CD38: variants seen among roughly 807,000 people sequenced by gnomAD.
CD38 encodes the protein CD38 molecule, also known as ADP-ribosyl cyclase/cyclic ADP-ribose hydrolase 1.
A neutral mutation model predicts 36.3 loss-of-function variants in CD38; 31 were observed. The ratio of observed to expected loss-of-function variants is 0.85; its 90% CI spans 0.64 to 1.15. The LOEUF (loss-of-function observed/expected upper bound fraction) is 1.15. Ranked by LOEUF, CD38 falls within the 50% of genes most tolerant of loss-of-function variation. CD38 has a pLI of 0.00. For missense variants in CD38, 380 were observed against 371.9 expected (o/e 1.02, Z -0.18); for synonymous variants, 131 against 135.2 (o/e 0.97, Z 0.22).
intron 1 of CD38, among the ~76,000 whole-genome samples, chr4:15,784,070 C>T (rs1338340604): frequency 6.6e-6 from 1 of 152,204 alleles, no homozygotes; most frequent in Non-Finnish European, 1.5e-5. Flanking sequence ...CAACGCAACA[C>T]CATGTGATCT....
chr4:15,801,194 G>T (rs1057352686), intron 1 of CD38, among the ~76,000 whole-genome samples: 2 of 151,736 alleles, frequency 1.3e-5, no homozygotes, highest in Non-Finnish European at 2.9e-5. Flanking sequence ...AAATTTCTGG[G>T]CACCTACAAC....
At chr4:15,833,989 A>C (rs1724011628) in intron 3 of CD38, among the ~76,000 whole-genome samples, 1 of 152,204 alleles carries the variant, frequency 6.6e-6, no homozygotes, top group East Asian at 1.9e-4. Flanking sequence ...CCATGACTCA[A>C]AACTTGCCAC....
chr4:15,802,835 G>A (rs1421509649), intron 1 of CD38, among the ~76,000 whole-genome samples: 1 of 152,144 alleles, frequency 6.6e-6, no homozygotes, highest in African/African-American at 2.4e-5. Flanking sequence ...ATGAGCCTCT[G>A]CTCCTAGCCA....
At chr4:15,785,669 A>G (rs1722801977) in intron 1 of CD38, among the ~76,000 whole-genome samples, 2 of 152,164 alleles carry the variant, frequency 1.3e-5, no homozygotes, top group Non-Finnish European at 2.9e-5. Context: ...TTGGGAATCA[A>G]TGTTTACAGG....
At chr4:15,836,111 A>T (rs1724065232) in intron 4 of CD38, among the ~76,000 whole-genome samples, 1 of 152,240 alleles carries the variant, frequency 6.6e-6, no homozygotes, top group African/African-American at 2.4e-5. Flanking sequence ...CATATGTCTT[A>T]GTCCATTTGT....
At chr4:15,848,432 G>T in intron 7 of CD38, 107 bp from the exon 8 acceptor site, 1 of 720,860 alleles carries the variant, frequency 1.4e-6, no homozygotes. Context: ...ATGCTAAGTG[G>T]TCTGTGCACC....
chr4:15,789,436 C>G (rs759615712), intron 1 of CD38, among the ~76,000 whole-genome samples: 14 of 152,012 alleles, frequency 9.2e-5, no homozygotes, highest in Non-Finnish European at 1.9e-4. Flanking sequence ...CTTGAGGCAC[C>G]GAGTACATTT....
chr4:15,813,552 G>A (rs1723518166), intron 1 of CD38, among the ~76,000 whole-genome samples: 1 of 152,062 alleles, frequency 6.6e-6, no homozygotes, highest in Non-Finnish European at 1.5e-5. Flanking sequence ...TAGGTTTTAA[G>A]CCCTACATGC....
At chr4:15,840,262 T>G in intron 6 of CD38, 144 bp downstream of exon 6, 1 of 735,960 alleles carries the variant, frequency 1.4e-6, no homozygotes, top group Non-Finnish European at 2.4e-6. Context: ...CCTCTTAACT[T>G]TATCTCCACA....
At chr4:15,781,703 A>C (rs982814236) in intron 1 of CD38, among the ~76,000 whole-genome samples, 1 of 152,242 alleles carries the variant, frequency 6.6e-6, no homozygotes, top group Non-Finnish European at 1.5e-5. Flanking sequence ...AAATACCTTC[A>C]CATCACAACT....
chr4:15,823,977 A>G (rs1723793791), intron 2 of CD38, among the ~76,000 whole-genome samples: 1 of 152,208 alleles, frequency 6.6e-6, no homozygotes, highest in African/African-American at 2.4e-5. Context: ...CAGCCATAAA[A>G]AGGAACAAGA....
At chr4:15,842,043 T>C (rs1054951242) in intron 7 of CD38, among the ~76,000 whole-genome samples, 1 of 140,132 alleles carries the variant, frequency 7.1e-6, no homozygotes, top group Non-Finnish European at 1.5e-5. Flanking sequence ...AAGCTCGAAC[T>C]GGGTGGAGCC....
chr4:15,851,825 T>C lies in CD38; in HGVS notation c.*3223T>C, dbSNP rs1577666608. The stretch of plus-strand genomic sequence containing the variant: ...TAGAGTGTACTTACACTAACCTAGA[T>C]GGTCTAACCTACTACACACCCAGGC... On this transcript the variant is annotated 3_prime_UTR_variant, in exon 8 of 8. Coordinates refer to ENST00000226279, the MANE Select transcript of CD38 (RefSeq NM_001775.4). The C allele has an allele frequency of 6.6e-6, 1 of 152,242 alleles. No individual in the cohort carries two copies. The highest frequency in any genetic ancestry group is 1.5e-5 in the Non-Finnish European group (1 of 68,042). 9.4% of individuals were successfully genotyped at this position (152,242 alleles called of 1,614,324 possible). A position where few individuals can be genotyped will look rare whatever the true frequency, so the allele number is the denominator to read the frequency against.
At chr4:15,801,377 T>C (rs1723220477) in intron 1 of CD38, among the ~76,000 whole-genome samples, 1 of 151,840 alleles carries the variant, frequency 6.6e-6, no homozygotes, top group South Asian at 2.1e-4. Context: ...GAAAAATAAC[T>C]ACCAATTCTT....
chr4:15,789,166 A>G (rs1332712792), intron 1 of CD38, among the ~76,000 whole-genome samples: 1 of 152,204 alleles, frequency 6.6e-6, no homozygotes, highest in African/African-American at 2.4e-5. Context: ...TTTTTGTAAG[A>G]TATCTATTCA....
intron 2 of CD38, among the ~76,000 whole-genome samples, chr4:15,824,036 C>T (rs1723794983): frequency 6.6e-6 from 1 of 152,120 alleles, no homozygotes; most frequent in Admixed American, 6.6e-5. Flanking sequence ...ACATCTTCAG[C>T]AAACTAACAC....
In CD38 at chr4:15,804,280, C is replaced by T. The variant is rs539802789; in HGVS notation, c.234-12231C>T. On this transcript the variant is annotated intron_variant, in intron 1 of 7. Transcript: ENST00000226279. ...CGGTTGAACTAATTTACATTCCCAC[C>T]AACAGTGTATAAGCGACAAAGAAAA... Among the ~76,000 whole-genome samples, 3 of 152,184 alleles carry T rather than the reference C, an allele frequency of 2.0e-5. No individual in the cohort carries two copies. In the South Asian group the frequency reaches 6.2e-4, roughly 32 times the overall value.
In CD38 at chr4:15,851,008, A is replaced by G. The variant is rs1311238625; in HGVS notation, c.*2406A>G. 1 of 152,176 alleles carries G rather than the reference A, an allele frequency of 6.6e-6. No individual in the cohort carries two copies. The highest frequency in any genetic ancestry group is 1.5e-5 in the Non-Finnish European group (1 of 68,058). The allele number at this position is 152,176 out of a possible 1,614,324, so 9.4% of individuals were successfully genotyped here. ...CAAGAAATCAAAATATTAGAAATCAATTTTTGAAATTTCCCCTAGGAAGAC... is the reference window on the plus strand; with the variant it reads ...CAAGAAATCAAAATATTAGAAATCAGTTTTTGAAATTTCCCCTAGGAAGAC... On this transcript the variant is annotated 3_prime_UTR_variant, in exon 8 of 8. Transcript: ENST00000226279.
chr4:15,837,000 C>T (rs1272494122), intron 4 of CD38, among the ~76,000 whole-genome samples: 3 of 152,180 alleles, frequency 2.0e-5, no homozygotes, highest in African/African-American at 7.2e-5. Flanking sequence ...AAAAATAATT[C>T]ATTGAGTACT....
Sources: allele counts gnomAD v4.1 joint callset (sites outside exome capture counted in the v4.1 genomes callset), GRCh38; gene constraint gnomAD v4.1.1; transcripts MANE v1.5; gene names NCBI Gene and HGNC (gene_info 2026-07-23, HGNC 2026-07-21).